PRPF40B: variants seen among roughly 807,000 people sequenced by gnomAD.
The protein encoded by PRPF40B is pre-mRNA processing factor 40B, also known as pre-mRNA-processing factor 40 homolog B.
Under a neutral mutation model 124.5 loss-of-function variants are expected in PRPF40B, and 56 were observed. That is an observed-to-expected ratio of 0.45 (90% CI 0.36 to 0.56). PRPF40B has a LOEUF of 0.56. PRPF40B is among the 20% of genes least tolerant of loss of function. PRPF40B has a pLI of 0.00. For synonymous variants in PRPF40B, 443 were observed against 426.4 expected (o/e 1.04, Z -0.48); for missense variants, 1,053 against 1,169.5 (o/e 0.90, Z 1.45).
rs370814816 is a variant in PRPF40B, at chr12:49,631,972, G to T, written c.294+47G>T. ...GTAGCAGGCTCTGCCCTGCAGTCCC[G>T]TGAGTCTGACTTGGAATGCAGGACT... On this transcript the variant is annotated intron_variant, in intron 4 of 25. Transcript: ENST00000548825. This position sits in a 1 kb window ranked among gnomAD's most constrained non-coding sequence, Gnocchi z 4.3. The T allele has an allele frequency of 1.3e-6, 2 of 1,562,366 alleles. No homozygotes were observed. Among genetic ancestry groups the T allele is most frequent in the South Asian group, 2.2e-5 (2 of 89,996 alleles).
chr12:49,643,228 T>C lies in PRPF40B; in HGVS notation c.2211T>C (p.Ser737=), dbSNP rs751539802. 1.2e-6 allele frequency: 2 copies of C among 1,614,096 alleles called. No individual in the cohort carries two copies. The highest frequency in any genetic ancestry group is 1.7e-6 in the Non-Finnish European group (2 of 1,180,024). The stretch of plus-strand genomic sequence containing the variant: ...GTATCTGCTGATCTGCCCAGGGCTC[T>C]GAGTCAGAAGAAGAGGAGCTGCCCC... ...HHKRSHSPSG[S]ESEEEELPPP... is the part of the protein sequence containing the mutation. Residue 737 remains serine (S), a synonymous_variant, in exon 23 of 26, where the codon TCT becomes TCC. Coordinates refer to ENST00000548825, the MANE Select transcript of PRPF40B (RefSeq NM_001031698.3).
In PRPF40B at chr12:49,636,708, G is replaced by A. The variant is rs1469403223; in HGVS notation, c.1427-8G>A. 8 of 1,613,854 alleles carry A rather than the reference G, an allele frequency of 5.0e-6. No individual in the cohort carries two copies. In the African/African-American group the frequency reaches 5.3e-5, roughly 11 times the overall value. On this transcript the variant is annotated splice_polypyrimidine_tract_variant and splice_region_variant and intron_variant, in intron 15 of 25. Transcript: ENST00000548825. ...ACAATGCCCGCGGAACCTCCTGCCT[G>A]TCTTTAGACATGGACAAGGAAGATG...
In PRPF40B at chr12:49,635,699, C is replaced by A; in HGVS notation, c.1276-144C>A. The A allele has an allele frequency of 9.8e-7, 1 of 1,023,216 alleles. No individual in the cohort carries two copies. Among genetic ancestry groups the A allele is most frequent in the Non-Finnish European group, 1.4e-6 (1 of 704,092 alleles). 63.4% of individuals were successfully genotyped at this position (1,023,216 alleles called of 1,614,324 possible). A position where few individuals can be genotyped will look rare whatever the true frequency, so the allele number is the denominator to read the frequency against. ...GAGATGGGTCTGTAACCTGTACTCC[C>A]TCCCCTTCCCTGAGACATGAAAGTC... On this transcript the variant is annotated intron_variant, in intron 14 of 25. Transcript: ENST00000548825. This position sits in a 1 kb window ranked among gnomAD's most constrained non-coding sequence, Gnocchi z 4.1.
intron 1 of PRPF40B, chr12:49,623,825 A>G (rs1216330780): frequency 5.3e-6 from 5 of 943,268 alleles, no homozygotes; most frequent in African/African-American, 2.1e-5. Flanking sequence ...GAAAGGTGCG[A>G]GAGTGGCGGG....
At position 49,643,705 on chromosome 12, in the gene PRPF40B, A is replaced by G. The variant is rs776687956; in HGVS notation, c.2395A>G (p.Lys799Glu). The change falls in exon 24 of 26, where the codon AAA becomes GAA. Residue 799 changes from lysine to glutamate, a missense_variant. Lys to Glu is a moderately conservative substitution (Grantham distance 56). This residue lies in a region of PRPF40B where 895 missense variants were observed against 1,052.2 expected (regional missense o/e 0.85). Coordinates refer to ENST00000548825, the MANE Select transcript of PRPF40B (RefSeq NM_001031698.3). ...TCTATCTCTAGATCATGGCCTTCGG[A>G]AAGCCAAGAAACCAAAAAAGAAAAC... ...HLLGADHGLR[K>E]AKKPKKKTKK... The G allele has an allele frequency of 2.5e-6, 4 of 1,614,122 alleles. No homozygotes were observed. The Admixed American group carries it at 5.0e-5, about 20-fold the overall frequency.
Position 49,642,202 on chromosome 12 carries a change from G to A in PRPF40B, c.1885-33G>A, listed in dbSNP as rs745942379. ...GTGGGACCTGGCATCCACCCTCCTGGGTGACCCTGTTCCGTGTCCCTTCTT... is the reference window on the plus strand; with the variant it reads ...GTGGGACCTGGCATCCACCCTCCTGAGTGACCCTGTTCCGTGTCCCTTCTT... On this transcript the variant is annotated intron_variant, in intron 19 of 25. Coordinates refer to ENST00000548825, the MANE Select transcript of PRPF40B (RefSeq NM_001031698.3). The surrounding 1 kb of genome is among the most constrained non-coding windows in gnomAD (Gnocchi z 5.8). 6.2e-7 allele frequency: 1 copy of A among 1,614,002 alleles called. No individual in the cohort carries two copies. Among genetic ancestry groups the A allele is most frequent in the South Asian group, 1.1e-5 (1 of 91,086 alleles).
chr12:49,640,884 C>T (rs1441520049), intron 18 of PRPF40B: 1 of 152,142 alleles, frequency 6.6e-6, no homozygotes, highest in Non-Finnish European at 1.5e-5. Context: ...GAGCCAGTAA[C>T]AAGGGTGACT....
intron 4 of PRPF40B, 171 bp from the exon 5 acceptor site, chr12:49,632,425 G>A: frequency 1.4e-6 from 1 of 703,656 alleles, no homozygotes. Flanking sequence ...TTCTCCCTTG[G>A]GATCCCAGAG....
intron 1 of PRPF40B, 64 bp downstream of exon 1, chr12:49,623,657 G>T: frequency 2.4e-6 from 3 of 1,229,002 alleles, no homozygotes; most frequent in Non-Finnish European, 3.0e-6. Flanking sequence ...TGCGGCCCGG[G>T]CCGTGGCCGA....
At chr12:49,632,251 G>C (rs1157465529) in intron 4 of PRPF40B, 1 of 577,336 alleles carries the variant, frequency 1.7e-6, no homozygotes, top group Non-Finnish European at 3.1e-6. Flanking sequence ...AGAAGAGTCA[G>C]TAGCACCTGG....
rs1941175135 is a variant in PRPF40B, at chr12:49,631,052, C to T, written c.85-349C>T. Among the ~76,000 whole-genome samples the T allele has an allele frequency of 6.6e-6, 1 of 152,166 alleles. No individual in the cohort carries two copies. Among genetic ancestry groups the T allele is most frequent in the Admixed American group, 6.5e-5 (1 of 15,290 alleles). On this transcript the variant is annotated intron_variant, in intron 2 of 25. Coordinates refer to ENST00000548825, the MANE Select transcript of PRPF40B (RefSeq NM_001031698.3). The surrounding 1 kb of genome is among the most constrained non-coding windows in gnomAD (Gnocchi z 4.3). The stretch of plus-strand genomic sequence containing the variant: ...ACTGGGGTACTTGGGTACCTGGATA[C>T]CTGCCTTCTGCCCCTTCATCTGAGA...
Position 49,642,643 on chromosome 12 carries a change from C to G in PRPF40B, c.2086C>G (p.Arg696Gly). The G allele has an allele frequency of 1.2e-6, 2 of 1,614,184 alleles. No homozygotes were observed. The highest frequency in any genetic ancestry group is 8.5e-7 in the Non-Finnish European group (1 of 1,180,034). Residue 696 changes from arginine (R) to glycine (G), a missense_variant, in exon 21 of 26, where the codon CGG (arginine) becomes GGG (glycine). Coordinates refer to ENST00000548825, the MANE Select transcript of PRPF40B (RefSeq NM_001031698.3). The surrounding 1 kb of genome is among the most constrained non-coding windows in gnomAD (Gnocchi z 5.8). ...EQITLESERIRLFREFLQVLE... is the reference protein window; with the variant it reads ...EQITLESERIGLFREFLQVLE... ...GATCACCCTGGAGTCGGAGCGGATC[C>G]GGCTCTTCCGGGAGTTCCTACAGGT...
At chr12:49,638,092 T>C in intron 18 of PRPF40B, 1 of 428,438 alleles carries the variant, frequency 2.3e-6, no homozygotes, top group Non-Finnish European at 4.2e-6. Flanking sequence ...AGAACTAACA[T>C]TTGAACTGTG....
chr12:49,636,651 G>A, intron 15 of PRPF40B, 65 bp from the exon 16 acceptor site: 1 of 1,602,156 alleles, frequency 6.2e-7, no homozygotes, highest in Non-Finnish European at 8.5e-7. Flanking sequence ...AAACATTAGG[G>A]GTGCTGGGGT....
At position 49,632,996 on chromosome 12, in the gene PRPF40B, G is replaced by GGGGGGGGGGCGCCC; in HGVS notation, c.349-18_349-17insGGGGGGGGGCGCCC. Reference sequence around the variant, plus strand: ...AAAGGGGCCTTGACCACCATTCTGTGCCCCCCCCCCCACCCAGAGGGCCCT... The same window carrying GGGGGGGGGGCGCCC: ...AAAGGGGCCTTGACCACCATTCTGTGGGGGGGGGGCGCCCCCCCCCCCCCCACCCAGAGGGCCCT... On this transcript the variant is annotated splice_polypyrimidine_tract_variant and intron_variant, in intron 6 of 25. Coordinates refer to ENST00000548825, the MANE Select transcript of PRPF40B (RefSeq NM_001031698.3). 8.7e-7 allele frequency: 1 copy of GGGGGGGGGGCGCCC among 1,147,398 alleles called. No homozygotes were observed. The highest frequency in any genetic ancestry group is 1.2e-6 in the Non-Finnish European group (1 of 823,012). 71.1% of individuals were successfully genotyped at this position (1,147,398 alleles called of 1,614,324 possible).
chr12:49,644,056 C>T, intron 25 of PRPF40B, 44 bp from the exon 26 acceptor site: 1 of 1,614,176 alleles, frequency 6.2e-7, no homozygotes, highest in Non-Finnish European at 8.5e-7. Flanking sequence ...GCTTCCACGG[C>T]CCTTAGTGCA....
intron 18 of PRPF40B, chr12:49,639,515 T>C (rs755072227): frequency 6.6e-6 from 1 of 152,272 alleles, no homozygotes; most frequent in Non-Finnish European, 1.5e-5. Flanking sequence ...CAGCTGTTCT[T>C]CTGAGACACT....
intron 1 of PRPF40B, among the ~76,000 whole-genome samples, chr12:49,628,503 G>A (rs574374349): frequency 3.8e-4 from 57 of 150,732 alleles, no homozygotes; most frequent in Non-Finnish European, 5.0e-4. Flanking sequence ...TGATCTGCCC[G>A]CTTGGCCTCC....
chr12:49,624,421 G>A (rs2138364981), intron 1 of PRPF40B, among the ~76,000 whole-genome samples: 1 of 152,308 alleles, frequency 6.6e-6, no homozygotes, highest in African/African-American at 2.4e-5. Flanking sequence ...GGCTGGGGCT[G>A]GCTAGCCTTA....
Sources: allele counts gnomAD v4.1 joint callset (sites outside exome capture counted in the v4.1 genomes callset), GRCh38; gene constraint gnomAD v4.1.1; regional missense constraint gnomAD v4.1.1; non-coding constraint Gnocchi (gnomAD v3.1); transcripts MANE v1.5; gene names NCBI Gene and HGNC (gene_info 2026-07-23, HGNC 2026-07-21).